Variants in PIP5K1A observed in about 807,000 individuals in gnomAD.
The protein encoded by PIP5K1A is phosphatidylinositol-4-phosphate 5-kinase type 1 alpha, also known as phosphatidylinositol 4-phosphate 5-kinase type-1 alpha.
PIP5K1A carries 46 observed loss-of-function variants against 72.9 expected under a neutral mutation model. That is an observed-to-expected ratio of 0.63 (90% CI 0.50 to 0.81). The LOEUF (loss-of-function observed/expected upper bound fraction) is 0.81, where lower values mean the gene tolerates loss of function less well. PIP5K1A is among the 30% of genes least tolerant of loss of function. The pLI, the probability that PIP5K1A is intolerant of heterozygous loss-of-function variation, is 0.00. For synonymous variants in PIP5K1A, 228 were observed against 255.1 expected, an observed-to-expected ratio of 0.89 and a Z score of 1.01; for missense variants, 458 against 706.1, an observed-to-expected ratio of 0.65 and a Z score of 3.98.
chr1:151,237,849 T>C (rs746761710), intron 9 of PIP5K1A, among the ~76,000 whole-genome samples: 1 of 146,176 alleles, frequency 6.8e-6, no homozygotes, highest in Non-Finnish European at 1.5e-5. Context: ...ACTGAAGAAG[T>C]TGAGTTAATT....
intron 4 of PIP5K1A, 66 bp downstream of exon 4, chr1:151,227,466 C>A: frequency 9.7e-7 from 1 of 1,030,974 alleles, no homozygotes; most frequent in South Asian, 1.3e-5. Context: ...GGAACTCAGT[C>A]TCCTTGAAAT....
intron 1 of PIP5K1A, among the ~76,000 whole-genome samples, chr1:151,202,949 A>G (rs1685413976): frequency 6.6e-6 from 1 of 151,770 alleles, no homozygotes; most frequent in African/African-American, 2.4e-5. Flanking sequence ...TTTGTATTTT[A>G]GTAGAGATCA....
chr1:151,202,927 G>T (rs1054876196), intron 1 of PIP5K1A, among the ~76,000 whole-genome samples: 1 of 151,100 alleles, frequency 6.6e-6, no homozygotes, highest in Non-Finnish European at 1.5e-5. Context: ...CACCTGCCAC[G>T]TCTGGCTAAT....
rs1290954547 is a variant in PIP5K1A, at chr1:151,206,435, T to G, written c.85+7354T>G. 2.0e-5 allele frequency among the ~76,000 whole-genome samples: 3 copies of G among 152,108 alleles called. No individual in the cohort carries two copies. In the East Asian group the frequency reaches 5.8e-4, roughly 29 times the overall value. ...ATAAGCTGTCCAAAAAGATTAGAGA[T>G]ATTGGTTGGGGGTGGGCAAAGGGGA... On this transcript the variant is annotated intron_variant, in intron 1 of 15. Coordinates refer to ENST00000368888, the MANE Select transcript of PIP5K1A (RefSeq NM_001135638.2).
intron 9 of PIP5K1A, 80 bp downstream of exon 9, chr1:151,236,843 T>TTTTA: frequency 1.1e-6 from 1 of 936,050 alleles, no homozygotes; most frequent in Non-Finnish European, 1.6e-6. Flanking sequence ...TTTTTTTTTT[T>TTTTA]AGTTTCACTC....
chr1:151,221,275 G>A (rs1323733000), intron 1 of PIP5K1A, among the ~76,000 whole-genome samples: 2 of 152,126 alleles, frequency 1.3e-5, no homozygotes, highest in Non-Finnish European at 2.9e-5. Flanking sequence ...TAACATTAAA[G>A]AGAAATGAGA....
intron 7 of PIP5K1A, chr1:151,233,933 C>G (rs1177449679): frequency 6.8e-6 from 3 of 440,892 alleles, no homozygotes; most frequent in Admixed American, 4.0e-5. Flanking sequence ...TCTCTTAAAT[C>G]TCTCTGAAGA....
intron 3 of PIP5K1A, among the ~76,000 whole-genome samples, chr1:151,224,855 C>G (rs1688878214): frequency 6.6e-6 from 1 of 152,108 alleles, no homozygotes; most frequent in Non-Finnish European, 1.5e-5. Flanking sequence ...ATTTCCTAAC[C>G]CTCTTCTCAC....
rs972190480 is a variant in PIP5K1A, at chr1:151,240,343, A to G, written c.1363+304A>G. ...TAGTTGTGGATGTAGGATCCATGCC[A>G]CAGAGATAGGCAGAGCCTATGTACA... On this transcript the variant is annotated intron_variant, in intron 12 of 15. Coordinates refer to ENST00000368888, the MANE Select transcript of PIP5K1A (RefSeq NM_001135638.2). 28 of 353,162 alleles carry G rather than the reference A, an allele frequency of 7.9e-5. 1 individual carries two copies. The Admixed American group carries it at 1.3e-3, about 16-fold the overall frequency. The allele number at this position is 353,162 out of a possible 1,614,324, so 21.9% of individuals were successfully genotyped here. A position where few individuals can be genotyped will look rare whatever the true frequency, so the allele number is the denominator to read the frequency against.
At chr1:151,230,881 C>T (rs1404506753) in intron 4 of PIP5K1A, among the ~76,000 whole-genome samples, 1 of 152,214 alleles carries the variant, frequency 6.6e-6, no homozygotes, top group Non-Finnish European at 1.5e-5. Context: ...TCAGGCCCTT[C>T]CTTAGAGGAC....
intron 1 of PIP5K1A, among the ~76,000 whole-genome samples, chr1:151,204,843 TTAAC>T (rs1685714176): frequency 1.3e-5 from 2 of 152,246 alleles, no homozygotes; most frequent in Admixed American, 6.5e-5. Flanking sequence ...TCAGTTATAA[TTAAC>T]TAGTCTAATA....
chr1:151,203,944 C>T (rs1395548297), intron 1 of PIP5K1A, among the ~76,000 whole-genome samples: 1 of 152,108 alleles, frequency 6.6e-6, no homozygotes, highest in Non-Finnish European at 1.5e-5. Flanking sequence ...ATGATTTTAT[C>T]ATGTGCACAA....
chr1:151,210,998 G>A (rs1358736995), intron 1 of PIP5K1A, among the ~76,000 whole-genome samples: 7 of 152,160 alleles, frequency 4.6e-5, no homozygotes, highest in Non-Finnish European at 8.8e-5. Flanking sequence ...ATGCATATCT[G>A]GCTAGCCTTT....
chr1:151,196,616 G>T (rs1684572344), upstream of PIP5K1A, among the ~76,000 whole-genome samples: 1 of 145,598 alleles, frequency 6.9e-6, no homozygotes, highest in African/African-American at 2.5e-5. Context: ...GTGCAAAGGC[G>T]CCATCTCGGC....
At chr1:151,204,008 G>A (rs765084377) in intron 1 of PIP5K1A, among the ~76,000 whole-genome samples, 36 of 151,986 alleles carry the variant, frequency 2.4e-4, no homozygotes, top group Admixed American at 1.7e-3. Context: ...CCCCCTTAAC[G>A]GCTCAGGGAG....
At chr1:151,204,943 C>G (rs1351905795) in intron 1 of PIP5K1A, among the ~76,000 whole-genome samples, 1 of 152,154 alleles carries the variant, frequency 6.6e-6, no homozygotes, top group African/African-American at 2.4e-5. Context: ...TTATTAATGT[C>G]TGTGGGCTTT....
chr1:151,206,766 A>G (rs1483663976), intron 1 of PIP5K1A, among the ~76,000 whole-genome samples: 2 of 152,146 alleles, frequency 1.3e-5, no homozygotes, highest in East Asian at 3.8e-4. Context: ...GGGTTTCACC[A>G]TGCTGGCCAG....
chr1:151,245,533 CT>C (rs1692371739), intron 14 of PIP5K1A, among the ~76,000 whole-genome samples: 1 of 152,128 alleles, frequency 6.6e-6, no homozygotes, highest in Non-Finnish European at 1.5e-5. Flanking sequence ...GTGGCACGAT[CT>C]TGGTTCACTG....
chr1:151,224,225 T>A lies in PIP5K1A; in HGVS notation c.86-20T>A. 8 of 1,606,718 alleles carry A rather than the reference T, an allele frequency of 5.0e-6. No individual in the cohort carries two copies. Among genetic ancestry groups the A allele is most frequent in the Non-Finnish European group, 6.8e-6 (8 of 1,173,420 alleles). On this transcript the variant is annotated intron_variant, in intron 1 of 15. Coordinates refer to ENST00000368888, the MANE Select transcript of PIP5K1A (RefSeq NM_001135638.2). ...TGAGTGTGTGATACACTCTTATGAT[T>A]GTTTTTTTTTCCCCCCTAGCAGCAT... is the stretch of plus-strand genomic sequence containing the variant.
Sources: allele counts gnomAD v4.1 joint callset (sites outside exome capture counted in the v4.1 genomes callset), GRCh38; gene constraint gnomAD v4.1.1; transcripts MANE v1.5; gene names NCBI Gene and HGNC (gene_info 2026-07-23, HGNC 2026-07-21).